Variants in IL18RAP observed in about 807,000 individuals in gnomAD.
The protein encoded by IL18RAP is interleukin-18 receptor accessory protein.
Under a neutral mutation model 58.1 loss-of-function variants are expected in IL18RAP, and 37 were observed. The ratio of observed to expected loss-of-function variants is 0.64; its 90% CI spans 0.49 to 0.84. IL18RAP has a LOEUF of 0.84. Ranked by LOEUF, IL18RAP falls within the 40% of genes least tolerant of loss-of-function variation. IL18RAP has a pLI of 0.00. For synonymous variants in IL18RAP, 268 were observed against 257.5 expected (o/e 1.04, Z -0.39); for missense variants, 667 against 704.8 (o/e 0.95, Z 0.61).
At chr2:102,432,728 G>A (rs941114341) in intron 3 of IL18RAP, among the ~76,000 whole-genome samples, 6 of 152,184 alleles carry the variant, frequency 3.9e-5, no homozygotes, top group Non-Finnish European at 7.3e-5. Flanking sequence ...TTTGCCTCCT[G>A]GCCTGGGGAA....
chr2:102,428,049 A>G (rs564065420), intron 3 of IL18RAP, among the ~76,000 whole-genome samples: 335 of 143,278 alleles, frequency 2.3e-3, no homozygotes, highest in Non-Finnish European at 3.9e-3. Context: ...GTCATATTCC[A>G]TTTGTTCATG....
intron 3 of IL18RAP, among the ~76,000 whole-genome samples, chr2:102,428,833 G>T (rs950334319): frequency 2.0e-5 from 3 of 151,780 alleles, no homozygotes; most frequent in Non-Finnish European, 3.0e-5. Flanking sequence ...GTATAGCTAT[G>T]GGTTTGTCAT....
At chr2:102,425,497 T>C (rs1467831218) in intron 3 of IL18RAP, among the ~76,000 whole-genome samples, 1 of 152,084 alleles carries the variant, frequency 6.6e-6, no homozygotes, top group Admixed American at 6.6e-5. Context: ...TGTTTTTATA[T>C]GACACTGAAA....
Position 102,445,316 on chromosome 2 carries a change from G to T in IL18RAP, c.1048G>T (p.Val350Phe). The change falls in exon 7 of 10, where the codon GTC becomes TTC. Residue 350 changes from valine to phenylalanine, a missense_variant. Val to Phe is a conservative substitution (Grantham distance 50). Transcript: ENST00000687160. ...QNSIGNTTQS[V>F]QLKEKRGVVL... Reference sequence around the variant, plus strand: ...CTCCATTGGAAACACAACCCAGTCCGTCCAACTGAAAGAAAAGAGAGGAGG... The same window carrying T: ...CTCCATTGGAAACACAACCCAGTCCTTCCAACTGAAAGAAAAGAGAGGAGG... 1 of 1,614,124 alleles carries T rather than the reference G, an allele frequency of 6.2e-7. No homozygotes were observed. Among genetic ancestry groups the T allele is most frequent in the South Asian group, 1.1e-5 (1 of 91,078 alleles).
In IL18RAP at chr2:102,437,199, T is replaced by C. The variant is rs1682804316; in HGVS notation, c.580-13T>C. ...GTGGCAAATTTATCTGCTTAAAATATCTTTTGGATTAGAATGGAAAACTCC... is the reference window on the plus strand; with the variant it reads ...GTGGCAAATTTATCTGCTTAAAATACCTTTTGGATTAGAATGGAAAACTCC... On this transcript the variant is annotated splice_polypyrimidine_tract_variant and intron_variant, in intron 3 of 9. Transcript: ENST00000687160. 1 of 1,596,856 alleles carries C rather than the reference T, an allele frequency of 6.3e-7. No individual in the cohort carries two copies. Among genetic ancestry groups the C allele is most frequent in the South Asian group, 1.1e-5 (1 of 87,368 alleles).
intron 7 of IL18RAP, 101 bp from the exon 8 acceptor site, chr2:102,446,969 A>G: frequency 8.1e-7 from 1 of 1,232,926 alleles, no homozygotes. Context: ...AAAATAATAG[A>G]GCTGGAAAAG....
At chr2:102,450,808 G>A in intron 8 of IL18RAP, 40 bp from the exon 9 acceptor site, 4 of 1,377,850 alleles carry the variant, frequency 2.9e-6, no homozygotes, top group Non-Finnish European at 3.0e-6. Context: ...AAAAAAAAGA[G>A]TAAATGACTT....
chr2:102,432,206 A>G (rs1288872681), intron 3 of IL18RAP: 1 of 152,138 alleles, frequency 6.6e-6, no homozygotes, highest in Non-Finnish European at 1.5e-5. Context: ...ACTGAGGTCA[A>G]GTGGAATTGC....
chr2:102,430,992 A>C (rs1682312053), intron 3 of IL18RAP, among the ~76,000 whole-genome samples: 1 of 152,200 alleles, frequency 6.6e-6, no homozygotes, highest in Non-Finnish European at 1.5e-5. Context: ...TTAATGAATT[A>C]TGAATATGAC....
chr2:102,425,629 C>G (rs1681891101), intron 3 of IL18RAP, among the ~76,000 whole-genome samples: 1 of 151,878 alleles, frequency 6.6e-6, no homozygotes, highest in Admixed American at 6.6e-5. Context: ...AAGAACAAAA[C>G]TTCCTTTGGT....
chr2:102,435,843 A>C (rs1573282695), intron 3 of IL18RAP, among the ~76,000 whole-genome samples: 3 of 137,584 alleles, frequency 2.2e-5, no homozygotes, highest in African/African-American at 8.0e-5. Context: ...CAGTGTCTTC[A>C]TTTTTTTTTT....
chr2:102,444,333 C>T (rs902802501), intron 6 of IL18RAP, among the ~76,000 whole-genome samples: 2 of 151,960 alleles, frequency 1.3e-5, no homozygotes, highest in Non-Finnish European at 2.9e-5. Flanking sequence ...TTGACATCAC[C>T]CACCCTTGGG....
rs754951894 is a variant in IL18RAP at position 102,447,097 on chromosome 2, C to T, written c.1100C>T (p.Thr367Ile). 2 of 1,614,096 alleles carry T rather than the reference C, an allele frequency of 1.2e-6. No individual in the cohort carries two copies. The highest frequency in any genetic ancestry group is 1.7e-6 in the Non-Finnish European group (2 of 1,180,000). The stretch of plus-strand genomic sequence containing the variant: ...GTGCTCCTGTACATCCTGCTTGGCA[C>T]CATCGGGACCCTGGTGGCCGTGCTG... Reference protein sequence around the residue: ...GVVLLYILLGTIGTLVAVLAA... With the variant: ...GVVLLYILLGIIGTLVAVLAA... Residue 367 changes from threonine to isoleucine, a missense_variant, in exon 8 of 10, where the codon ACC (threonine) becomes ATC (isoleucine). Physicochemically the swap from Thr to Ile is moderately conservative, Grantham distance 89. Transcript: ENST00000687160.
At chr2:102,446,509 G>A (rs1019773498) in intron 7 of IL18RAP, among the ~76,000 whole-genome samples, 4 of 151,892 alleles carry the variant, frequency 2.6e-5, no homozygotes, top group East Asian at 1.9e-4. Flanking sequence ...ATGCCTTTGC[G>A]TCCTCATAGC....
upstream of IL18RAP, among the ~76,000 whole-genome samples, chr2:102,422,621 C>T (rs1285216685): frequency 6.6e-6 from 1 of 152,198 alleles, no homozygotes; most frequent in Non-Finnish European, 1.5e-5. Context: ...CAGCCCAGAT[C>T]TGATTCTCTG....
At chr2:102,433,077 T>C (rs529205082) in intron 3 of IL18RAP, among the ~76,000 whole-genome samples, 2 of 152,266 alleles carry the variant, frequency 1.3e-5, no homozygotes, top group African/African-American at 4.8e-5. Flanking sequence ...TTTGACGACA[T>C]TGCTGTGACC....
chr2:102,423,369 GT>G, intron 1 of IL18RAP, 22 bp downstream of exon 1: 1 of 1,592,792 alleles, frequency 6.3e-7, no homozygotes, highest in Non-Finnish European at 8.6e-7. Flanking sequence ...CACTTTTCAT[GT>G]TAGCACTGTG....
chr2:102,443,752 T>G (rs1490649008), intron 6 of IL18RAP, among the ~76,000 whole-genome samples: 1 of 152,090 alleles, frequency 6.6e-6, no homozygotes, highest in Non-Finnish European at 1.5e-5. Flanking sequence ...ATAATAAGTC[T>G]GACAAAAAAT....
At chr2:102,425,461 C>T (rs905225688) in intron 3 of IL18RAP, among the ~76,000 whole-genome samples, 13 of 152,080 alleles carry the variant, frequency 8.5e-5, no homozygotes, top group Non-Finnish European at 1.2e-4. Flanking sequence ...GGTGGACGAA[C>T]GGCATGGGGT....
Sources: gnomAD v4.1 joint callset for allele counts (sites outside exome capture counted in the v4.1 genomes callset) on GRCh38, gnomAD v4.1.1 for gene constraint, MANE v1.5 for transcripts, NCBI Gene and HGNC (gene_info 2026-07-23, HGNC 2026-07-21) for gene names.